Variants in MYB observed in about 807,000 individuals in gnomAD.
The protein encoded by MYB is transcriptional activator Myb.
A neutral mutation model predicts 92.9 loss-of-function variants in MYB; 28 were observed. That is an observed-to-expected ratio of 0.30 (90% CI 0.22 to 0.41). The LOEUF (loss-of-function observed/expected upper bound fraction) is 0.41. Among genes scored for constraint, MYB ranks in the 10% least tolerant of loss-of-function variants. The pLI is 1.00. For missense variants in MYB, 679 were observed against 929.3 expected (o/e 0.73, Z 3.50); for synonymous variants, 295 against 329.1 (o/e 0.90, Z 1.12).
At position 135,181,380 on chromosome 6, in the gene MYB, T is replaced by C. The variant is rs1221871399; in HGVS notation, c.-134T>C. ...CGTGACCTCCTCCTCCTCTTTCTCC[T>C]GAGAAACTTCGCCCCAGCGGTGCGG... On this transcript the variant is annotated 5_prime_UTR_variant, in exon 1 of 16. Coordinates refer to ENST00000341911, the MANE Select transcript of MYB (RefSeq NM_001130173.2). This position sits in a 1 kb window ranked among gnomAD's most constrained non-coding sequence, Gnocchi z 5.3. 8 of 433,474 alleles carry C rather than the reference T, an allele frequency of 1.8e-5. No homozygotes were observed. The highest frequency in any genetic ancestry group is 2.3e-5 in the Non-Finnish European group (7 of 308,970). 26.9% of individuals were successfully genotyped at this position (433,474 alleles called of 1,614,324 possible).
chr6:135,213,035 G>T (rs1396058506), intron 15 of MYB, among the ~76,000 whole-genome samples: 1 of 152,122 alleles, frequency 6.6e-6, no homozygotes, highest in Non-Finnish European at 1.5e-5. Flanking sequence ...TGACCAGTTT[G>T]TTTCATTTAT....
intron 2 of MYB, among the ~76,000 whole-genome samples, chr6:135,186,700 C>T (rs1014064326): frequency 1.8e-4 from 28 of 152,106 alleles, no homozygotes; most frequent in Admixed American, 1.6e-3. Flanking sequence ...TAAAATCATC[C>T]GATAATGGAT....
At chr6:135,215,088 A>G (rs1780253692) in intron 15 of MYB, among the ~76,000 whole-genome samples, 1 of 152,226 alleles carries the variant, frequency 6.6e-6, no homozygotes, top group African/African-American at 2.4e-5. Flanking sequence ...ATTCATAGAC[A>G]GTGCTGTTGA....
intron 3 of MYB, among the ~76,000 whole-genome samples, chr6:135,188,294 T>C (rs1299105053): frequency 3.3e-5 from 5 of 152,116 alleles, no homozygotes; most frequent in Non-Finnish European, 7.4e-5. Context: ...TTTAAAATTC[T>C]GAAGACCTTT....
chr6:135,181,517 G>A lies in MYB; in HGVS notation c.4G>A (p.Ala2Thr). The A allele has an allele frequency of 8.7e-7, 1 of 1,154,424 alleles. No homozygotes were observed. The highest frequency in any genetic ancestry group is 1.6e-5 in the African/African-American group (1 of 61,504). The allele number at this position is 1,154,424 out of a possible 1,614,324, so 71.5% of individuals were successfully genotyped here. A position where few individuals can be genotyped will look rare whatever the true frequency, so the allele number is the denominator to read the frequency against. Residue 2 changes from alanine (A) to threonine (T), a missense_variant, in exon 1 of 16, where the codon GCC becomes ACC. Physicochemically the swap from Ala to Thr is moderately conservative, Grantham distance 58. This residue lies in a region of MYB where 88 missense variants were observed against 145.6 expected (regional missense o/e 0.60). Transcript: ENST00000341911. The surrounding 1 kb of genome is among the most constrained non-coding windows in gnomAD (Gnocchi z 5.3). M[A>T]RRPRHSIYSS... ...GGAGCCCCGCGCCCGCCGCGCCATG[G>A]CCCGAAGACCCCGGCACAGGTAACG...
At chr6:135,200,545 G>T in intron 13 of MYB, 130 bp downstream of exon 13, 1 of 1,393,998 alleles carries the variant, frequency 7.2e-7, no homozygotes, top group Non-Finnish European at 1.0e-6. Context: ...TTCATACAAG[G>T]TGCAGCGAAA....
At chr6:135,216,621 T>G (rs1780475322) in intron 15 of MYB, among the ~76,000 whole-genome samples, 1 of 152,220 alleles carries the variant, frequency 6.6e-6, no homozygotes, top group Non-Finnish European at 1.5e-5. Context: ...ATTGATTGAA[T>G]CTATGGATGT....
At chr6:135,192,234 G>C (rs1158789401) in intron 5 of MYB, 90 bp from the exon 6 acceptor site, 1 of 1,041,952 alleles carries the variant, frequency 9.6e-7, no homozygotes, top group East Asian at 2.4e-5. Context: ...CCAAGGGAAA[G>C]GTCTCTGTTA....
At chr6:135,209,265 A>T (rs1048781397) in intron 15 of MYB, among the ~76,000 whole-genome samples, 1 of 151,908 alleles carries the variant, frequency 6.6e-6, no homozygotes, top group East Asian at 1.9e-4. Flanking sequence ...ACAGAGTCTC[A>T]CTCTGTCACC....
At chr6:135,202,112 G>A (rs17639758) in intron 14 of MYB, among the ~76,000 whole-genome samples, 6,622 of 152,098 alleles carry the variant, frequency 0.044, 200 homozygotes, top group Non-Finnish European at 0.065. Context: ...GGTTTGTGTA[G>A]CATCTCATAT....
chr6:135,213,154 G>A (rs1779974839), intron 15 of MYB, among the ~76,000 whole-genome samples: 1 of 152,192 alleles, frequency 6.6e-6, no homozygotes, highest in Non-Finnish European at 1.5e-5. Flanking sequence ...GTACATGGTG[G>A]CTACCACATC....
chr6:135,197,402 G>A (rs888148019), intron 10 of MYB, 79 bp downstream of exon 10: 29 of 1,244,906 alleles, frequency 2.3e-5, no homozygotes, highest in Middle Eastern at 5.6e-4. Context: ...CTAATACTTC[G>A]GAACAAATGA....
chr6:135,211,643 T>C (rs1779717100), intron 15 of MYB, among the ~76,000 whole-genome samples: 1 of 152,174 alleles, frequency 6.6e-6, no homozygotes, highest in South Asian at 2.1e-4. Flanking sequence ...GGCTATATGA[T>C]ATAAACTTAG....
chr6:135,203,146 C>T, intron 14 of MYB, 71 bp from the exon 15 acceptor site: 5 of 1,104,814 alleles, frequency 4.5e-6, no homozygotes, highest in Non-Finnish European at 6.8e-6. Context: ...CTACTCTCCA[C>T]AGTGTTAGAA....
Position 135,190,297 on chromosome 6 carries a change from C to G in MYB, c.477C>G (p.His159Gln). The change falls in exon 5 of 16, where the codon CAC becomes CAG. Residue 159 changes from histidine to glutamine, a missense_variant. Physicochemically the swap from His to Gln is conservative, Grantham distance 24 (BLOSUM62 0). Coordinates refer to ENST00000341911, the MANE Select transcript of MYB (RefSeq NM_001130173.2). This position sits in a 1 kb window ranked among gnomAD's most constrained non-coding sequence, Gnocchi z 4.5. The stretch of plus-strand genomic sequence containing the variant: ...AAGACAGAATTATTTACCAGGCACA[C>G]AAGAGACTGGGGAACAGATGGGCAG... The part of the protein sequence containing the change: ...EEEDRIIYQA[H>Q]KRLGNRWAEI... 1.9e-6 allele frequency: 3 copies of G among 1,614,152 alleles called. No individual in the cohort carries two copies. The highest frequency in any genetic ancestry group is 2.5e-6 in the Non-Finnish European group (3 of 1,180,012).
At chr6:135,192,110 G>A (rs1483684359) in intron 5 of MYB, among the ~76,000 whole-genome samples, 2 of 152,144 alleles carry the variant, frequency 1.3e-5, no homozygotes, top group African/African-American at 2.4e-5. Context: ...TCTAGAAAAC[G>A]ACATGCATTC....
In MYB at chr6:135,182,578, G is replaced by C. The variant is rs1404118818; in HGVS notation, c.23+1042G>C. 1.3e-5 allele frequency among the ~76,000 whole-genome samples: 2 copies of C among 152,210 alleles called. No individual in the cohort carries two copies. On this transcript the variant is annotated intron_variant, in intron 1 of 15. Coordinates refer to ENST00000341911, the MANE Select transcript of MYB (RefSeq NM_001130173.2). This position sits in a 1 kb window ranked among gnomAD's most constrained non-coding sequence, Gnocchi z 5.6. ...CGCACACGTGGATGCGGCTGAGGTC[G>C]CCGCGCCTTCTCGCACCCTCCTTCA... is the stretch of plus-strand genomic sequence containing the variant.
In MYB at chr6:135,194,427, C is replaced by T. The variant is rs114577782; in HGVS notation, c.915C>T (p.Thr305=). 2.6e-4 allele frequency: 422 copies of T among 1,613,766 alleles called. No homozygotes were observed. In the African/African-American group the frequency reaches 4.6e-3, roughly 18 times the overall value. Residue 305 remains threonine, a synonymous_variant, in exon 8 of 16, where the codon ACC becomes ACT. Coordinates refer to ENST00000341911, the MANE Select transcript of MYB (RefSeq NM_001130173.2). ...IKELELLLMS[T]ENELKGQQVL... Reference sequence around the variant, plus strand: ...AATTAGAATTGCTCCTAATGTCAACCGAGAATGAGCTAAAAGGACAGCAGG... The same window carrying T: ...AATTAGAATTGCTCCTAATGTCAACTGAGAATGAGCTAAAAGGACAGCAGG...
intron 6 of MYB, among the ~76,000 whole-genome samples, chr6:135,193,073 T>G (rs1336830843): frequency 1.3e-5 from 2 of 152,216 alleles, no homozygotes; most frequent in Non-Finnish European, 2.9e-5. Flanking sequence ...CAGTAAGTGT[T>G]TACCTTCTTA....
Sources: gnomAD v4.1 joint callset for allele counts (sites outside exome capture counted in the v4.1 genomes callset) on GRCh38, gnomAD v4.1.1 for gene constraint, gnomAD v4.1.1 regional missense constraint, Gnocchi (gnomAD v3.1) non-coding constraint, MANE v1.5 for transcripts, NCBI Gene and HGNC (gene_info 2026-07-23, HGNC 2026-07-21) for gene names.